FGFR2: variants seen among roughly 807,000 people sequenced by gnomAD.
FGFR2 encodes fibroblast growth factor receptor 2, also known as BEK fibroblast growth factor receptor.
Under a neutral mutation model 95.9 loss-of-function variants are expected in FGFR2, and 19 were observed. That is an observed-to-expected ratio of 0.20 (90% CI 0.14 to 0.29). The LOEUF (loss-of-function observed/expected upper bound fraction) is 0.29, where lower values mean the gene tolerates loss of function less well. FGFR2 is among the 10% of genes least tolerant of loss of function. The pLI is 1.00. For missense variants in FGFR2, 707 were observed against 1,056.9 expected (o/e 0.67, Z 4.59); for synonymous variants, 392 against 393.3 (o/e 1.00, Z 0.04).
chr10:121,503,392 T>C (rs1847853657), intron 10 of FGFR2, among the ~76,000 whole-genome samples: 1 of 152,228 alleles, frequency 6.6e-6, no homozygotes, highest in South Asian at 2.1e-4. Context: ...GCCATTTATA[T>C]TCTGCATCTA....
chr10:121,544,463 A>AAAAG, intron 5 of FGFR2, among the ~76,000 whole-genome samples: 1 of 150,624 alleles, frequency 6.6e-6, no homozygotes, highest in Non-Finnish European at 1.5e-5. Context: ...AAAAAAAAAA[A>AAAAG]GTGGTATATC....
intron 4 of FGFR2, among the ~76,000 whole-genome samples, chr10:121,556,106 A>G (rs534167167): frequency 3.1e-4 from 46 of 149,460 alleles, no homozygotes; most frequent in African/African-American, 1.2e-3. Flanking sequence ...GCGTTATTGG[A>G]TGGATGGATG....
chr10:121,541,843 A>G (rs973009537), intron 5 of FGFR2, among the ~76,000 whole-genome samples: 4 of 152,234 alleles, frequency 2.6e-5, no homozygotes, highest in Non-Finnish European at 4.4e-5. Flanking sequence ...TTTGTGTAAA[A>G]TAACTTGCTG....
chr10:121,502,821 A>ACAGC (rs1847770252), intron 10 of FGFR2, among the ~76,000 whole-genome samples: 1 of 152,158 alleles, frequency 6.6e-6, no homozygotes, highest in South Asian at 2.1e-4. Flanking sequence ...AAGTGAGTGG[A>ACAGC]CAGCCCTACA....
intron 4 of FGFR2, among the ~76,000 whole-genome samples, chr10:121,558,449 G>C (rs1192069673): frequency 1.3e-5 from 2 of 152,146 alleles, no homozygotes; most frequent in Non-Finnish European, 2.9e-5. Flanking sequence ...ATCTAGTGCT[G>C]GTACCATGTG....
chr10:121,593,439 G>T lies in FGFR2; in HGVS notation c.109+270C>A, dbSNP rs528863525. Among the ~76,000 whole-genome samples the T allele has an allele frequency of 1.4e-4, 21 of 152,208 alleles. No homozygotes were observed. The South Asian group carries it at 3.9e-3, about 29-fold the overall frequency. Reference sequence around the variant, plus strand: ...CCTTCCACAGCTCTCTCGGGCACTGGATAAAGGCCAACTCCCAGCTGTCTC... The same window carrying T: ...CCTTCCACAGCTCTCTCGGGCACTGTATAAAGGCCAACTCCCAGCTGTCTC... On this transcript the variant is annotated intron_variant, in intron 2 of 17. Transcript: ENST00000358487.
At chr10:121,568,421 A>C (rs1858031104) in intron 2 of FGFR2, among the ~76,000 whole-genome samples, 1 of 152,178 alleles carries the variant, frequency 6.6e-6, no homozygotes, top group Admixed American at 6.5e-5. Flanking sequence ...TCAGCAAGTC[A>C]CCAGAAATGT....
chr10:121,539,491 A>G (rs995471561), intron 5 of FGFR2, among the ~76,000 whole-genome samples: 3 of 152,228 alleles, frequency 2.0e-5, no homozygotes, highest in African/African-American at 7.2e-5. Flanking sequence ...AAGAGACGCC[A>G]TTCTTATGTT....
chr10:121,555,120 T>C lies in FGFR2; in HGVS notation c.455-3661A>G, dbSNP rs957925804. Among the ~76,000 whole-genome samples, 2 of 152,124 alleles carry C rather than the reference T, an allele frequency of 1.3e-5. 1 individual carries two copies. Among genetic ancestry groups the C allele is most frequent in the African/African-American group, 4.8e-5 (2 of 41,420 alleles). On this transcript the variant is annotated intron_variant, in intron 4 of 17. Coordinates refer to ENST00000358487, the MANE Select transcript of FGFR2 (RefSeq NM_000141.5). ...CAGGCGCGGTGGCTCACGCCTGTAATCCCAGCCTTTGGGAGGCCGAGGTGG... is the reference window on the plus strand; with the variant it reads ...CAGGCGCGGTGGCTCACGCCTGTAACCCCAGCCTTTGGGAGGCCGAGGTGG...
intron 4 of FGFR2, 151 bp from the exon 5 acceptor site, chr10:121,551,610 C>A: frequency 1.3e-6 from 1 of 773,822 alleles, no homozygotes. Flanking sequence ...AAAATATTTT[C>A]AGAAGTCTAA....
intron 5 of FGFR2, among the ~76,000 whole-genome samples, chr10:121,540,018 C>G (rs1310615327): frequency 6.6e-6 from 1 of 152,166 alleles, no homozygotes; most frequent in African/African-American, 2.4e-5. Context: ...GCCATGACTG[C>G]AGGGTGGAGG....
intron 10 of FGFR2, 117 bp downstream of exon 10, chr10:121,503,673 C>T: frequency 9.0e-7 from 1 of 1,113,104 alleles, no homozygotes; most frequent in Non-Finnish European, 1.4e-6. Context: ...CTTACTCCTG[C>T]TGACATCATC....
intron 5 of FGFR2, among the ~76,000 whole-genome samples, chr10:121,544,102 A>G (rs1166765381): frequency 6.6e-6 from 1 of 152,204 alleles, no homozygotes; most frequent in Non-Finnish European, 1.5e-5. Context: ...GGCTATTCAC[A>G]ATAGCCAAAA....
At chr10:121,491,873 C>CAA (rs149016265) in intron 13 of FGFR2, among the ~76,000 whole-genome samples, 37,464 of 128,290 alleles carry the variant, frequency 0.29, 6,394 homozygotes, top group Non-Finnish European at 0.39. Flanking sequence ...CTGTCTCAAC[C>CAA]AAAAAAAAAA....
At chr10:121,573,165 G>A (rs974828660) in intron 2 of FGFR2, among the ~76,000 whole-genome samples, 6 of 152,204 alleles carry the variant, frequency 3.9e-5, no homozygotes, top group Non-Finnish European at 8.8e-5. Flanking sequence ...TTCCCGTGTG[G>A]TTTTTGAAAT....
In FGFR2 at chr10:121,479,502, G is replaced by GT. The variant is rs1844397318; in HGVS notation, c.*354dup. On this transcript the variant is annotated 3_prime_UTR_variant, in exon 18 of 18. Transcript: ENST00000358487. ...CACCTATATACTGCATTTGTGCTCTGTAAGTGTGTGCTGACATAAATCTTC... is the reference window on the plus strand; with the variant it reads ...CACCTATATACTGCATTTGTGCTCTGTTAAGTGTGTGCTGACATAAATCTTC... The GT allele has an allele frequency of 4.3e-6, 5 of 1,159,320 alleles. No homozygotes were observed. Among genetic ancestry groups the GT allele is most frequent in the Non-Finnish European group, 6.2e-6 (5 of 811,320 alleles). The allele number at this position is 1,159,320 out of a possible 1,614,324, so 71.8% of individuals were successfully genotyped here.
chr10:121,482,844 A>AC (rs1844931886), intron 17 of FGFR2, among the ~76,000 whole-genome samples: 1 of 152,166 alleles, frequency 6.6e-6, no homozygotes. Context: ...TGTCTCCCAG[A>AC]CTGGAGTGCA....
chr10:121,528,125 A>T (rs1213053907), intron 6 of FGFR2: 1 of 152,330 alleles, frequency 6.6e-6, no homozygotes, highest in Non-Finnish European at 1.5e-5. Context: ...AAACCAAACC[A>T]CAGGGGAGCC....
chr10:121,504,340 C>T (rs759173171), intron 9 of FGFR2, among the ~76,000 whole-genome samples: 5 of 152,286 alleles, frequency 3.3e-5, no homozygotes, highest in African/African-American at 4.8e-5. Flanking sequence ...TCAGACCACC[C>T]GGATCATGGA....
Sources: allele counts gnomAD v4.1 joint callset (sites outside exome capture counted in the v4.1 genomes callset), GRCh38; gene constraint gnomAD v4.1.1; transcripts MANE v1.5; gene names NCBI Gene and HGNC (gene_info 2026-07-23, HGNC 2026-07-21).